Variants in PPP2R5A observed in about 807,000 individuals in gnomAD.
PPP2R5A encodes the protein protein phosphatase 2 regulatory subunit B'alpha, also known as serine/threonine-protein phosphatase 2A 56 kDa regulatory subunit alpha isoform.
In PPP2R5A, 25 loss-of-function variants were observed where a neutral mutation model predicts 64.2. That is an observed-to-expected ratio of 0.39 (90% confidence interval 0.28 to 0.54). PPP2R5A has a LOEUF of 0.54. PPP2R5A is among the 20% of genes least tolerant of loss of function. PPP2R5A has a pLI of 0.67. For missense variants in PPP2R5A, 425 were observed against 576.3 expected (o/e 0.74, Z 2.69); for synonymous variants, 198 against 201.2 (o/e 0.98, Z 0.13).
chr1:212,344,811 G>A (rs1426350704), intron 4 of PPP2R5A, among the ~76,000 whole-genome samples: 1 of 152,102 alleles, frequency 6.6e-6, no homozygotes, highest in East Asian at 1.9e-4. Context: ...GGCCAATTGA[G>A]GTATAGGAGA....
rs1658810303 is a variant in PPP2R5A at position 212,302,198 on chromosome 1, C to A, written c.181+15907C>A. 11 of 1,048,194 alleles carry A rather than the reference C, an allele frequency of 1.0e-5. No homozygotes were observed. The South Asian group carries it at 1.4e-4, about 13-fold the overall frequency. 64.9% of individuals were successfully genotyped at this position (1,048,194 alleles called of 1,614,324 possible). On this transcript the variant is annotated intron_variant, in intron 1 of 12. Coordinates refer to ENST00000261461, the MANE Select transcript of PPP2R5A (RefSeq NM_006243.4). ...GAAGATGCATTTGAAACAGTACAAG[C>A]AAAACCACATTACAGGGGAAAACTA...
intron 6 of PPP2R5A, 109 bp from the exon 7 acceptor site, chr1:212,348,280 A>C (rs1172708540): frequency 2.0e-5 from 14 of 701,710 alleles, no homozygotes; most frequent in South Asian, 5.0e-5. Flanking sequence ...CAGTCATACA[A>C]CACCAGGATT....
intron 3 of PPP2R5A, among the ~76,000 whole-genome samples, chr1:212,336,691 AGT>A (rs1372634955): frequency 1.3e-5 from 2 of 152,198 alleles, no homozygotes; most frequent in Non-Finnish European, 2.9e-5. Context: ...AATCATCTTG[AGT>A]GTTTTTAGAT....
At chr1:212,306,409 G>T (rs916299485) in intron 1 of PPP2R5A, among the ~76,000 whole-genome samples, 3 of 152,034 alleles carry the variant, frequency 2.0e-5, no homozygotes, top group Non-Finnish European at 4.4e-5. Flanking sequence ...ATTATTTGAA[G>T]AGAAACCTCA....
At chr1:212,287,373 G>T (rs1465331864) in intron 1 of PPP2R5A, among the ~76,000 whole-genome samples, 1 of 152,204 alleles carries the variant, frequency 6.6e-6, no homozygotes, top group Non-Finnish European at 1.5e-5. Context: ...TGAAAAAGCT[G>T]CAGCATCCCC....
intron 1 of PPP2R5A, among the ~76,000 whole-genome samples, chr1:212,328,866 CATG>C (rs1659451750): frequency 6.6e-6 from 1 of 152,166 alleles, no homozygotes; most frequent in African/African-American, 2.4e-5. Flanking sequence ...AGGAGGATCA[CATG>C]AGCCTAGGAG....
intron 1 of PPP2R5A, among the ~76,000 whole-genome samples, chr1:212,304,168 G>T (rs1658851350): frequency 6.6e-6 from 1 of 151,596 alleles, no homozygotes; most frequent in African/African-American, 2.4e-5. Flanking sequence ...TTTTCTTTTA[G>T]GTTTCTTCTT....
rs1167655775 is a variant in PPP2R5A at position 212,285,848 on chromosome 1, C to T, written c.-263C>T. 3 of 370,934 alleles carry T rather than the reference C, an allele frequency of 8.1e-6. No homozygotes were observed. The highest frequency in any genetic ancestry group is 4.2e-5 in the East Asian group (1 of 23,574). The allele number at this position is 370,934 out of a possible 1,614,324, so 23.0% of individuals were successfully genotyped here. A position where few individuals can be genotyped will look rare whatever the true frequency, so the allele number is the denominator to read the frequency against. ...CCAGAGTCAACAACTTCTTCACCCC[C>T]CTCCGCCCCCGCCCTTCCCTCCGTC... is the stretch of plus-strand genomic sequence containing the variant. On this transcript the variant is annotated 5_prime_UTR_variant, in exon 1 of 13. Coordinates refer to ENST00000261461, the MANE Select transcript of PPP2R5A (RefSeq NM_006243.4).
At chr1:212,343,302 G>C (rs1052104965) in intron 4 of PPP2R5A, among the ~76,000 whole-genome samples, 14 of 152,168 alleles carry the variant, frequency 9.2e-5, no homozygotes, top group African/African-American at 3.4e-4. Flanking sequence ...AGAAAATTGT[G>C]AAGTAGACCA....
chr1:212,348,663 A>G (rs1160898227), intron 7 of PPP2R5A, among the ~76,000 whole-genome samples, 166 bp downstream of exon 7: 1 of 152,130 alleles, frequency 6.6e-6, no homozygotes, highest in East Asian at 1.9e-4. Flanking sequence ...TTAGTTGTTA[A>G]GTAAGACCAA....
intron 4 of PPP2R5A, 70 bp downstream of exon 4, chr1:212,342,350 A>G: frequency 6.5e-7 from 1 of 1,530,866 alleles, no homozygotes; most frequent in Admixed American, 2.0e-5. Context: ...TATTATTAAA[A>G]TAGTGTAGTC....
intron 1 of PPP2R5A, among the ~76,000 whole-genome samples, chr1:212,311,849 T>C (rs1338924814): frequency 6.6e-6 from 1 of 152,216 alleles, no homozygotes; most frequent in Non-Finnish European, 1.5e-5. Context: ...AGCTATGTTA[T>C]TGCAAAAGAG....
At position 212,314,557 on chromosome 1, in the gene PPP2R5A, A is replaced by ATTT. The variant is rs1212438178; in HGVS notation, c.182-14563_182-14561dup. The stretch of plus-strand genomic sequence containing the variant: ...ACTACAGGTGTGTGCCACCAAGCCT[A>ATTT]TTTTTTTTTTTTTTTTTGAGATGGT... On this transcript the variant is annotated intron_variant, in intron 1 of 12. Coordinates refer to ENST00000261461, the MANE Select transcript of PPP2R5A (RefSeq NM_006243.4). Among the ~76,000 whole-genome samples the ATTT allele has an allele frequency of 3.5e-3, 443 of 127,810 alleles. 7 individuals are homozygous for ATTT. Among genetic ancestry groups the ATTT allele is most frequent in the African/African-American group, 0.012 (418 of 33,794 alleles). The allele number at this position is 127,810 out of a possible 152,430, so 83.8% of individuals were successfully genotyped here.
chr1:212,288,949 T>C (rs150828117), intron 1 of PPP2R5A, among the ~76,000 whole-genome samples: 25 of 152,348 alleles, frequency 1.6e-4, no homozygotes, highest in African/African-American at 5.8e-4. Flanking sequence ...AACAAAATAA[T>C]CCAGCCTTTT....
At chr1:212,292,787 A>C (rs897304968) in intron 1 of PPP2R5A, among the ~76,000 whole-genome samples, 4 of 151,762 alleles carry the variant, frequency 2.6e-5, no homozygotes, top group Non-Finnish European at 5.9e-5. Flanking sequence ...CTGGTCTTGA[A>C]CTCCTGGCCT....
At chr1:212,321,677 G>A (rs1489610059) in intron 1 of PPP2R5A, among the ~76,000 whole-genome samples, 4 of 146,398 alleles carry the variant, frequency 2.7e-5, no homozygotes, top group African/African-American at 8.2e-5. Context: ...GATGGCGGCC[G>A]GGCAGAGACA....
chr1:212,359,459 G>A (rs550906107), intron 12 of PPP2R5A, among the ~76,000 whole-genome samples: 1 of 152,270 alleles, frequency 6.6e-6, no homozygotes, highest in South Asian at 2.1e-4. Context: ...ATGGCCTAGT[G>A]ATTACCTCTT....
At position 212,329,139 on chromosome 1, in the gene PPP2R5A, C is replaced by G; in HGVS notation, c.186C>G (p.Ala62=). The change falls in exon 2 of 13, where the codon GCC becomes GCG. Residue 62 remains alanine (A), a synonymous_variant. Coordinates refer to ENST00000261461, the MANE Select transcript of PPP2R5A (RefSeq NM_006243.4). The part of the protein sequence containing the change: ...ELHPLPQLKD[A]TSNEQQELFC... Reference sequence around the variant, plus strand: ...TTTCTTTATTTTTATTTATAGATGCCACTTCAAATGAACAACAAGAGCTTT... The same window carrying G: ...TTTCTTTATTTTTATTTATAGATGCGACTTCAAATGAACAACAAGAGCTTT... 1.3e-6 allele frequency: 2 copies of G among 1,489,106 alleles called. No homozygotes were observed. The highest frequency in any genetic ancestry group is 1.8e-6 in the Non-Finnish European group (2 of 1,116,642). 92.2% of individuals were successfully genotyped at this position (1,489,106 alleles called of 1,614,324 possible). A position where few individuals can be genotyped will look rare whatever the true frequency, so the allele number is the denominator to read the frequency against.
chr1:212,295,453 T>A (rs754969384), intron 1 of PPP2R5A, among the ~76,000 whole-genome samples: 2 of 152,212 alleles, frequency 1.3e-5, no homozygotes, highest in African/African-American at 2.4e-5. Context: ...AGGCGGATTA[T>A]TTGGATATGG....
Sources: gnomAD v4.1 joint callset for allele counts (sites outside exome capture counted in the v4.1 genomes callset) on GRCh38, gnomAD v4.1.1 for gene constraint, MANE v1.5 for transcripts, NCBI Gene and HGNC (gene_info 2026-07-23, HGNC 2026-07-21) for gene names.